SPTBN1: variants seen among roughly 807,000 people sequenced by gnomAD.
The protein encoded by SPTBN1 is spectrin beta chain, non-erythrocytic 1.
A neutral mutation model predicts 266.4 loss-of-function variants in SPTBN1; 32 were observed. The ratio of observed to expected loss-of-function variants is 0.12; its 90% confidence interval spans 0.09 to 0.16. The LOEUF is 0.16. SPTBN1 is among the 10% of genes least tolerant of loss of function. The pLI, the probability that SPTBN1 is intolerant of heterozygous loss-of-function variation, is 1.00. For synonymous variants in SPTBN1, 1,336 were observed against 1,162.2 expected, an observed-to-expected ratio of 1.15 and a Z score of -3.04; for missense variants, 2,296 against 3,067.1, an observed-to-expected ratio of 0.75 and a Z score of 5.94.
chr2:54,632,359 T>G (rs1281284758), intron 16 of SPTBN1, among the ~76,000 whole-genome samples: 1 of 152,154 alleles, frequency 6.6e-6, no homozygotes, highest in Admixed American at 6.5e-5. Context: ...AAAAAAAAAT[T>G]TAGAGCATTA....
intron 2 of SPTBN1, among the ~76,000 whole-genome samples, chr2:54,585,774 A>C (rs1385350885): frequency 1.3e-5 from 2 of 152,190 alleles, no homozygotes; most frequent in Non-Finnish European, 2.9e-5. Context: ...TACTCGATAA[A>C]TGGTTGCTGT....
At position 54,668,291 on chromosome 2, in the gene SPTBN1, G is replaced by A. The variant is rs1041916224; in HGVS notation, c.6877-60G>A. 1.3e-5 allele frequency: 21 copies of A among 1,561,434 alleles called. 1 individual carries two copies. Among genetic ancestry groups the A allele is most frequent in the Middle Eastern group, 1.7e-4 (1 of 5,978 alleles). ...AGATGCGCCATTCCCAAGCCTTGGA[G>A]CCAGAACCCCTCATGCCTACTCTTA... On this transcript the variant is annotated intron_variant, in intron 35 of 35. Transcript: ENST00000356805.
chr2:54,616,188 A>G lies in SPTBN1; in HGVS notation c.475-19A>G, dbSNP rs751622560. On this transcript the variant is annotated intron_variant, in intron 4 of 35. Coordinates refer to ENST00000356805, the MANE Select transcript of SPTBN1 (RefSeq NM_003128.3). ...CAGCTGACCCATCTATTTGTCTAATATTTCTTTGTAAATCTTAGATCCAGG... is the reference window on the plus strand; with the variant it reads ...CAGCTGACCCATCTATTTGTCTAATGTTTCTTTGTAAATCTTAGATCCAGG... 1.9e-6 allele frequency: 3 copies of G among 1,610,878 alleles called. No homozygotes were observed. Among genetic ancestry groups the G allele is most frequent in the South Asian group, 1.1e-5 (1 of 90,814 alleles).
rs1395818968 is a variant in SPTBN1, at chr2:54,653,655, C to T, written c.5624C>T (p.Ala1875Val). The T allele has an allele frequency of 5.6e-6, 9 of 1,613,888 alleles. No homozygotes were observed. Among genetic ancestry groups the T allele is most frequent in the Non-Finnish European group, 5.9e-6 (7 of 1,180,004 alleles). Reference sequence around the variant, plus strand: ...GCAGCCCGCCTCCAGGCGGCCTATGCGGGTGACAAGGCCGACGATATCCAG... The same window carrying T: ...GCAGCCCGCCTCCAGGCGGCCTATGTGGGTGACAAGGCCGACGATATCCAG... Reference protein sequence around the residue: ...EDAARLQAAYAGDKADDIQKR... With the variant: ...EDAARLQAAYVGDKADDIQKR... Residue 1875 changes from alanine (A) to valine (V), a missense_variant, in exon 27 of 36, where the codon GCG (alanine) becomes GTG (valine). Ala to Val is a moderately conservative substitution (Grantham distance 64). Coordinates refer to ENST00000356805, the MANE Select transcript of SPTBN1 (RefSeq NM_003128.3). This position sits in a 1 kb window ranked among gnomAD's most constrained non-coding sequence, Gnocchi z 5.1.
intron 31 of SPTBN1, 86 bp from the exon 32 acceptor site, chr2:54,659,850 T>G: frequency 1.3e-6 from 2 of 1,507,214 alleles, no homozygotes; most frequent in Non-Finnish European, 1.8e-6. Flanking sequence ...TAAAATTGAG[T>G]GATGATGTTC....
At chr2:54,657,509 A>C (rs1270379855) in intron 29 of SPTBN1, among the ~76,000 whole-genome samples, 1 of 152,260 alleles carries the variant, frequency 6.6e-6, no homozygotes, top group Non-Finnish European at 1.5e-5. Context: ...CGTAAAATGC[A>C]CATCAGATTT....
intron 1 of SPTBN1, among the ~76,000 whole-genome samples, chr2:54,503,271 A>G (rs1214352249): frequency 6.6e-6 from 1 of 152,230 alleles, no homozygotes; most frequent in Admixed American, 6.5e-5. Context: ...AACTTGGCCC[A>G]TCTTTCAGCA....
intron 2 of SPTBN1, among the ~76,000 whole-genome samples, chr2:54,546,974 A>C (rs1672280614): frequency 1.4e-5 from 2 of 147,890 alleles, no homozygotes; most frequent in South Asian, 2.2e-4. Context: ...AAAAAAAAAA[A>C]CCACATAACA....
intron 11 of SPTBN1, 145 bp from the exon 12 acceptor site, chr2:54,625,787 C>T: frequency 1.2e-6 from 1 of 860,330 alleles, no homozygotes; most frequent in Non-Finnish European, 1.8e-6. Context: ...GACAGGGTTT[C>T]ACAATGTTGG....
intron 2 of SPTBN1, among the ~76,000 whole-genome samples, chr2:54,535,829 T>A (rs996767048): frequency 2.0e-5 from 3 of 152,162 alleles, no homozygotes; most frequent in African/African-American, 7.2e-5. Context: ...CTGGCCAACA[T>A]GGTAAAAACC....
chr2:54,551,775 T>C (rs1672579339), intron 2 of SPTBN1, among the ~76,000 whole-genome samples: 1 of 152,214 alleles, frequency 6.6e-6, no homozygotes, highest in Admixed American at 6.5e-5. Context: ...TCCATATCTT[T>C]CATGGAACAG....
rs764482503 is a variant in SPTBN1 at position 54,558,754 on chromosome 2, C to T, written c.148+32188C>T. Reference sequence around the variant, plus strand: ...TGGAGCGAGATTTCCAGGGCGCAGTCCTCCGGGGCGTTACGCCGGGCATAA... The same window carrying T: ...TGGAGCGAGATTTCCAGGGCGCAGTTCTCCGGGGCGTTACGCCGGGCATAA... On this transcript the variant is annotated intron_variant, in intron 2 of 35. Transcript: ENST00000356805. This position sits in a 1 kb window ranked among gnomAD's most constrained non-coding sequence, Gnocchi z 4.6. The T allele has an allele frequency of 6.8e-6, 11 of 1,607,766 alleles. No homozygotes were observed. Among genetic ancestry groups the T allele is most frequent in the Middle Eastern group, 1.7e-4 (1 of 6,044 alleles).
At chr2:54,613,637 C>G (rs1218719071) in intron 4 of SPTBN1, among the ~76,000 whole-genome samples, 1 of 152,172 alleles carries the variant, frequency 6.6e-6, no homozygotes, top group Non-Finnish European at 1.5e-5. Flanking sequence ...TTAAGTAGGT[C>G]TGAAGAGAGA....
At chr2:54,529,962 T>C (rs1399110169) in intron 2 of SPTBN1, among the ~76,000 whole-genome samples, 3 of 146,998 alleles carry the variant, frequency 2.0e-5, no homozygotes, top group East Asian at 4.2e-4. Context: ...CTGTCCCTTA[T>C]AGGGGAGTGA....
Position 54,628,892 on chromosome 2 carries a change from G to T in SPTBN1, c.1799-41G>T. The T allele has an allele frequency of 6.5e-7, 1 of 1,538,710 alleles. No homozygotes were observed. The highest frequency in any genetic ancestry group is 1.3e-5 in the South Asian group (1 of 77,840). ...GCCAGTGAGCCTGCACCCATGCTGA[G>T]CTCCCTCACACAGCCACGTTCCTTC... On this transcript the variant is annotated intron_variant, in intron 13 of 35. Transcript: ENST00000356805. This position sits in a 1 kb window ranked among gnomAD's most constrained non-coding sequence, Gnocchi z 4.3.
At position 54,532,157 on chromosome 2, in the gene SPTBN1, C is replaced by T. The variant is rs548945810; in HGVS notation, c.148+5591C>T. Among the ~76,000 whole-genome samples, 137 of 152,128 alleles carry T rather than the reference C, an allele frequency of 9.0e-4. 2 individuals carry two copies. Among genetic ancestry groups the T allele is most frequent in the African/African-American group, 3.0e-3 (124 of 41,480 alleles). On this transcript the variant is annotated intron_variant, in intron 2 of 35. Transcript: ENST00000356805. The stretch of plus-strand genomic sequence containing the variant: ...ACAAAAAATTAGCTGGGCGTGGTGG[C>T]GGGCGCCTATAATCCCAGCTAGTTG...
At chr2:54,525,464 C>T (rs1424371130) in intron 1 of SPTBN1, among the ~76,000 whole-genome samples, 1 of 152,096 alleles carries the variant, frequency 6.6e-6, no homozygotes, top group East Asian at 1.9e-4. Flanking sequence ...GAACTCCCGA[C>T]CTCAGGTGAT....
At position 54,629,665 on chromosome 2, in the gene SPTBN1, C is replaced by A. The variant is rs1400577355; in HGVS notation, c.2531C>A (p.Ala844Glu). 2 of 1,613,692 alleles carry A rather than the reference C, an allele frequency of 1.2e-6. No homozygotes were observed. Among genetic ancestry groups the A allele is most frequent in the Non-Finnish European group, 1.7e-6 (2 of 1,179,964 alleles). The part of the protein sequence containing the change: ...VAELTRLRKQ[A>E]LQDTLALYKM... ...GAGCTGACGCGGCTGCGGAAGCAGGCACTCCAGGACACTCTGGCCCTGTAC... is the reference window on the plus strand; with the variant it reads ...GAGCTGACGCGGCTGCGGAAGCAGGAACTCCAGGACACTCTGGCCCTGTAC... Residue 844 changes from alanine (A) to glutamate (E), a missense_variant, in exon 14 of 36, where the codon GCA becomes GAA. Ala to Glu is a moderately radical substitution (Grantham distance 107). This residue lies in a region of SPTBN1 where 434 missense variants were observed against 573.9 expected (regional missense o/e 0.76). Coordinates refer to ENST00000356805, the MANE Select transcript of SPTBN1 (RefSeq NM_003128.3).
intron 1 of SPTBN1, among the ~76,000 whole-genome samples, chr2:54,467,758 C>T (rs540375703): frequency 6.6e-6 from 1 of 151,804 alleles, no homozygotes; most frequent in African/African-American, 2.4e-5. Context: ...CCTTAGAATC[C>T]CTGATTTTTT....
Sources: gnomAD v4.1 joint callset for allele counts (sites outside exome capture counted in the v4.1 genomes callset) on GRCh38, gnomAD v4.1.1 for gene constraint, gnomAD v4.1.1 regional missense constraint, Gnocchi (gnomAD v3.1) non-coding constraint, MANE v1.5 for transcripts, NCBI Gene and HGNC (gene_info 2026-07-23, HGNC 2026-07-21) for gene names.